Variants in RARB observed in about 807,000 individuals in gnomAD.
The protein encoded by RARB is retinoic acid receptor beta.
In RARB, 17 loss-of-function variants were observed where a neutral mutation model predicts 51.9. The ratio of observed to expected loss-of-function variants is 0.33; its 90% CI spans 0.22 to 0.49. The LOEUF is 0.49. Among genes scored for constraint, RARB ranks in the 20% least tolerant of loss-of-function variants. The pLI is 0.99. For synonymous variants in RARB, 215 were observed against 195.4 expected (o/e 1.10, Z -0.84); for missense variants, 369 against 550.8 (o/e 0.67, Z 3.30).
At chr3:24,939,635 A>G (rs955176698) in intron 2 of RARB, among the ~76,000 whole-genome samples, 8 of 152,222 alleles carry the variant, frequency 5.3e-5, no homozygotes, top group African/African-American at 1.9e-4. Flanking sequence ...GCTCATATAC[A>G]GCACATTTTG....
At chr3:24,961,755 C>T (rs1445686778) in intron 2 of RARB, among the ~76,000 whole-genome samples, 4 of 152,154 alleles carry the variant, frequency 2.6e-5, no homozygotes, top group African/African-American at 7.2e-5. Flanking sequence ...TTGGCAAAGC[C>T]GATGACTAAA....
intron 5 of RARB, among the ~76,000 whole-genome samples, chr3:25,350,637 A>G (rs1298509074): frequency 6.6e-6 from 1 of 152,212 alleles, no homozygotes; most frequent in African/African-American, 2.4e-5. Flanking sequence ...TCCCAGGGGA[A>G]GACACTCGGT....
chr3:24,855,449 C>T (rs1702618939), intron 1 of RARB, among the ~76,000 whole-genome samples: 1 of 152,158 alleles, frequency 6.6e-6, no homozygotes, highest in Admixed American at 6.5e-5. Flanking sequence ...TCTGTATGTA[C>T]TGGCTATGTG....
intron 5 of RARB, among the ~76,000 whole-genome samples, chr3:25,271,980 C>T (rs1035458584): frequency 5.9e-5 from 9 of 151,824 alleles, no homozygotes; most frequent in Non-Finnish European, 7.4e-5. Context: ...TGTGATACAG[C>T]GGTCAGTAAT....
intron 2 of RARB, among the ~76,000 whole-genome samples, chr3:24,958,255 G>GTTTTGTTT (rs1314564374): frequency 0.017 from 1,154 of 68,788 alleles, 44 homozygotes; most frequent in East Asian, 0.035. Flanking sequence ...AGCTGCTCAG[G>GTTTTGTTT]TTTTTTTTTT....
intron 5 of RARB, among the ~76,000 whole-genome samples, chr3:25,380,032 A>G (rs553078361): frequency 1.3e-5 from 2 of 152,320 alleles, no homozygotes; most frequent in African/African-American, 2.4e-5. Context: ...GTTGGACTGG[A>G]TAAGAACTCG....
At chr3:25,169,763 G>A (rs1700612569) in intron 4 of RARB, among the ~76,000 whole-genome samples, 1 of 151,972 alleles carries the variant, frequency 6.6e-6, no homozygotes, top group African/African-American at 2.4e-5. Context: ...CGAGGCAGAA[G>A]GATCACTTGA....
At chr3:25,388,215 C>A (rs1463017773) in intron 5 of RARB, among the ~76,000 whole-genome samples, 1 of 152,156 alleles carries the variant, frequency 6.6e-6, no homozygotes, top group African/African-American at 2.4e-5. Context: ...TACAGCATTG[C>A]ATAAATTTCT....
intron 5 of RARB, among the ~76,000 whole-genome samples, chr3:25,225,908 G>T (rs528526984): frequency 6.6e-6 from 1 of 152,212 alleles, no homozygotes; most frequent in South Asian, 2.1e-4. Flanking sequence ...AGATTTTTGC[G>T]TTGCAAAGTT....
At chr3:25,448,420 G>A (rs562299663) in intron 1 of RARB, among the ~76,000 whole-genome samples, 53 of 152,272 alleles carry the variant, frequency 3.5e-4, no homozygotes, top group South Asian at 1.2e-3. Context: ...CAACAATGTA[G>A]CATTCCTGTA....
intron 5 of RARB, among the ~76,000 whole-genome samples, chr3:25,241,241 T>C (rs1206328740): frequency 6.6e-6 from 1 of 152,228 alleles, no homozygotes; most frequent in African/African-American, 2.4e-5. Flanking sequence ...TTTCTCTAGT[T>C]ACTGAGTTTT....
At chr3:24,976,127 C>T (rs1438637258) in intron 2 of RARB, among the ~76,000 whole-genome samples, 1 of 152,114 alleles carries the variant, frequency 6.6e-6, no homozygotes, top group Non-Finnish European at 1.5e-5. Context: ...GCATAGTATT[C>T]CATGGTATAT....
intron 2 of RARB, among the ~76,000 whole-genome samples, chr3:25,482,819 G>T (rs944047375): frequency 3.3e-5 from 5 of 152,000 alleles, no homozygotes; most frequent in Non-Finnish European, 7.4e-5. Flanking sequence ...GATTACAGGC[G>T]TGAGCCACCC....
intron 5 of RARB, among the ~76,000 whole-genome samples, chr3:25,338,680 C>A (rs1377390349): frequency 6.6e-6 from 1 of 152,186 alleles, no homozygotes; most frequent in Non-Finnish European, 1.5e-5. Flanking sequence ...GGTCATGTTG[C>A]TTCTTCATAA....
intron 2 of RARB, among the ~76,000 whole-genome samples, chr3:24,923,172 G>T (rs1695253738): frequency 6.6e-6 from 1 of 152,078 alleles, no homozygotes; most frequent in South Asian, 2.1e-4. Context: ...CTGCAAAACT[G>T]AACTAAGATC....
chr3:25,214,940 G>A (rs1238461386), intron 5 of RARB, among the ~76,000 whole-genome samples: 1 of 152,204 alleles, frequency 6.6e-6, no homozygotes, highest in Non-Finnish European at 1.5e-5. Context: ...GAGGGTGCAT[G>A]TGAACCATAC....
intron 2 of RARB, among the ~76,000 whole-genome samples, chr3:24,900,063 T>G (rs1460530501): frequency 6.6e-6 from 1 of 152,242 alleles, no homozygotes; most frequent in African/African-American, 2.4e-5. Context: ...ATGTTATAAG[T>G]GTCATGTACA....
intron 2 of RARB, among the ~76,000 whole-genome samples, chr3:24,980,820 G>A (rs561763206): frequency 6.6e-6 from 1 of 152,304 alleles, no homozygotes; most frequent in South Asian, 2.1e-4. Flanking sequence ...GAGAGGAGTT[G>A]TGTTCCTTTG....
chr3:24,869,687 TTC>T (rs1345003885), intron 2 of RARB, among the ~76,000 whole-genome samples: 1 of 152,260 alleles, frequency 6.6e-6, no homozygotes, highest in East Asian at 1.9e-4. Flanking sequence ...AGCACATTCA[TTC>T]TCTTTTGTTA....
Sources: allele counts gnomAD v4.1 joint callset (sites outside exome capture counted in the v4.1 genomes callset), GRCh38; gene constraint gnomAD v4.1.1; transcripts MANE v1.5; gene names NCBI Gene and HGNC (gene_info 2026-07-23, HGNC 2026-07-21).